CCDC141: variants seen among roughly 807,000 people sequenced by gnomAD.
CCDC141 encodes the protein coiled-coil domain containing 141.
A neutral mutation model predicts 181.0 loss-of-function variants in CCDC141; 168 were observed. That is an observed-to-expected ratio of 0.93 (90% confidence interval 0.82 to 1.05). The LOEUF is 1.05. Among genes scored for constraint, CCDC141 ranks in the 50% least tolerant of loss-of-function variants. CCDC141 has a pLI of 0.00. For synonymous variants in CCDC141, 666 were observed against 642.3 expected (o/e 1.04, Z -0.56); for missense variants, 1,902 against 1,788.5 (o/e 1.06, Z -1.14).
intron 3 of CCDC141, among the ~76,000 whole-genome samples, chr2:178,977,144 G>C (rs971756276): frequency 1.1e-4 from 16 of 152,114 alleles, no homozygotes; most frequent in Admixed American, 6.5e-4. Context: ...CTTTTCACTA[G>C]ATTCAATAAA....
intron 6 of CCDC141, among the ~76,000 whole-genome samples, chr2:178,919,683 G>A (rs561815159): frequency 5.8e-4 from 88 of 152,334 alleles, no homozygotes; most frequent in Non-Finnish European, 1.1e-3. Flanking sequence ...ATGTGTACAA[G>A]AAATGAAGAG....
chr2:178,972,724 A>G (rs1268251546), intron 4 of CCDC141, among the ~76,000 whole-genome samples: 1 of 152,226 alleles, frequency 6.6e-6, no homozygotes, highest in Non-Finnish European at 1.5e-5. Flanking sequence ...CAAGGAGAGA[A>G]GTCAGGAGAA....
At chr2:178,997,149 G>A (rs1692325496) in intron 2 of CCDC141, among the ~76,000 whole-genome samples, 1 of 152,142 alleles carries the variant, frequency 6.6e-6, no homozygotes, top group East Asian at 1.9e-4. Context: ...GCAGTTTTTT[G>A]ATGTGGAGAA....
At chr2:178,983,482 T>C (rs1559026630) in intron 2 of CCDC141, among the ~76,000 whole-genome samples, 1 of 151,896 alleles carries the variant, frequency 6.6e-6, no homozygotes, top group Admixed American at 6.6e-5. Flanking sequence ...TTTGACGAGC[T>C]GAGAGAAGAA....
Position 178,869,194 on chromosome 2 carries a change from G to T in CCDC141, c.2317C>A (p.Gln773Lys). The T allele has an allele frequency of 6.2e-7, 1 of 1,613,436 alleles. No homozygotes were observed. Among genetic ancestry groups the T allele is most frequent in the Non-Finnish European group, 8.5e-7 (1 of 1,179,714 alleles). The change falls in exon 15 of 24, where the codon CAA (glutamine) becomes AAA (lysine). Residue 773 changes from glutamine (Q) to lysine (K), a missense_variant. Transcript: ENST00000443758. ...QQLKDLIHFH[Q>K]KQKERIQDYE... is the part of the protein sequence containing the mutation. The stretch of plus-strand genomic sequence containing the variant: ...TCCTGGATTCTCTCTTTCTGTTTTT[G>T]ATGGAAGTGAATAAGGTCCTTCAGT...
intron 2 of CCDC141, among the ~76,000 whole-genome samples, chr2:179,025,968 G>T (rs2042832304): frequency 6.6e-6 from 1 of 152,202 alleles, no homozygotes; most frequent in Non-Finnish European, 1.5e-5. Flanking sequence ...TCTGGCAGAA[G>T]AAATTTCTAA....
intron 4 of CCDC141, among the ~76,000 whole-genome samples, chr2:178,973,952 A>G (rs1691011032): frequency 6.6e-6 from 1 of 152,178 alleles, no homozygotes; most frequent in Non-Finnish European, 1.5e-5. Flanking sequence ...TAAAGCACAA[A>G]CTTTTGATGC....
intron 5 of CCDC141, among the ~76,000 whole-genome samples, chr2:178,950,231 A>C (rs1479880567): frequency 6.6e-6 from 1 of 152,232 alleles, no homozygotes; most frequent in Non-Finnish European, 1.5e-5. Context: ...ATTACCAAAA[A>C]CACACACATA....
intron 5 of CCDC141, among the ~76,000 whole-genome samples, chr2:178,951,879 A>G (rs947845386): frequency 6.6e-6 from 1 of 152,204 alleles, no homozygotes; most frequent in African/African-American, 2.4e-5. Flanking sequence ...GAGAGTGAAT[A>G]TGGTCACAGT....
intron 8 of CCDC141, among the ~76,000 whole-genome samples, chr2:178,900,133 T>C (rs538277485): frequency 2.0e-5 from 3 of 152,308 alleles, no homozygotes; most frequent in Non-Finnish European, 1.5e-5. Context: ...GGAAACCAAA[T>C]ACCTTGGAAC....
chr2:178,849,393 C>T (rs1685070947), intron 21 of CCDC141, among the ~76,000 whole-genome samples: 1 of 152,186 alleles, frequency 6.6e-6, no homozygotes, highest in Admixed American at 6.5e-5. Flanking sequence ...GCTCTACAGC[C>T]TTTGATCTTA....
chr2:179,008,106 C>T lies in CCDC141; in HGVS notation c.226-29431G>A, dbSNP rs780141368. Among the ~76,000 whole-genome samples, 4 of 152,140 alleles carry T rather than the reference C, an allele frequency of 2.6e-5. No individual in the cohort carries two copies. The South Asian group carries it at 8.3e-4, about 32-fold the overall frequency. ...GCCCTAATTTTAAAATTAAAATGAA[C>T]AGAACTGCTGAAAGTCTGAATAAAT... On this transcript the variant is annotated intron_variant, in intron 2 of 23. Coordinates refer to ENST00000443758, the MANE Select transcript of CCDC141 (RefSeq NM_173648.4).
At chr2:178,996,816 T>C (rs1361043655) in intron 2 of CCDC141, among the ~76,000 whole-genome samples, 1 of 152,188 alleles carries the variant, frequency 6.6e-6, no homozygotes, top group East Asian at 1.9e-4. Flanking sequence ...TTACACTTGG[T>C]ATTTTCTCGA....
rs981336197 is a variant in CCDC141, at chr2:178,865,368, G to A, written c.2724+399C>T. Among the ~76,000 whole-genome samples the A allele has an allele frequency of 2.6e-5, 4 of 152,202 alleles. No homozygotes were observed. The South Asian group carries it at 8.3e-4, about 32-fold the overall frequency. ...ATAGAATTTCAGCAGGCTGGAGTTG[G>A]CTGCAACGAACTGGTCAATGTCACC... On this transcript the variant is annotated intron_variant, in intron 17 of 23. Transcript: ENST00000443758.
intron 5 of CCDC141, among the ~76,000 whole-genome samples, chr2:178,954,198 G>A (rs925850244): frequency 3.9e-5 from 6 of 152,066 alleles, no homozygotes; most frequent in African/African-American, 1.4e-4. Context: ...ATGCCTGATT[G>A]GAGCAATTGA....
intron 3 of CCDC141, among the ~76,000 whole-genome samples, chr2:178,978,036 T>C (rs1356919398): frequency 6.6e-6 from 1 of 152,172 alleles, no homozygotes; most frequent in African/African-American, 2.4e-5. Context: ...GAATCAAATA[T>C]CCTATGGAAT....
intron 4 of CCDC141, among the ~76,000 whole-genome samples, chr2:178,970,143 C>T (rs1050785275): frequency 2.0e-5 from 3 of 152,196 alleles, no homozygotes; most frequent in Non-Finnish European, 4.4e-5. Context: ...AATGGAAAAA[C>T]ATCCCATGCT....
chr2:178,945,464 G>A (rs1160315261), intron 5 of CCDC141, among the ~76,000 whole-genome samples: 1 of 152,078 alleles, frequency 6.6e-6, no homozygotes, highest in Non-Finnish European at 1.5e-5. Flanking sequence ...TAGAGATGCG[G>A]TAACTGAGTT....
intron 2 of CCDC141, among the ~76,000 whole-genome samples, chr2:178,983,359 G>T (rs991562516): frequency 6.6e-6 from 1 of 152,138 alleles, no homozygotes; most frequent in Non-Finnish European, 1.5e-5. Context: ...ACCACGAAGA[G>T]GGGGAAAAAA....
Sources: allele counts gnomAD v4.1 joint callset (sites outside exome capture counted in the v4.1 genomes callset), GRCh38; gene constraint gnomAD v4.1.1; transcripts MANE v1.5; gene names NCBI Gene and HGNC (gene_info 2026-07-23, HGNC 2026-07-21).